Variants in BIN1 observed in about 807,000 individuals in gnomAD.
BIN1 encodes bridging integrator 1.
A neutral mutation model predicts 82.0 loss-of-function variants in BIN1; 53 were observed. The observed-to-expected ratio is 0.65, with a 90% CI of 0.52 to 0.81. The LOEUF (loss-of-function observed/expected upper bound fraction) is 0.81. BIN1 is among the 40% of genes least tolerant of loss of function. BIN1 has a pLI of 0.00. For missense variants in BIN1, 642 were observed against 784.4 expected (o/e 0.82, Z 2.17); for synonymous variants, 302 against 328.0 (o/e 0.92, Z 0.86).
At chr2:127,077,335 C>T (rs1351295396) in intron 1 of BIN1, among the ~76,000 whole-genome samples, 3 of 150,498 alleles carry the variant, frequency 2.0e-5, no homozygotes, top group Non-Finnish European at 4.4e-5. Context: ...CACACACACA[C>T]ACAAAACACA....
chr2:127,105,780 T>G (rs1163667381), intron 1 of BIN1, among the ~76,000 whole-genome samples: 1 of 152,170 alleles, frequency 6.6e-6, no homozygotes, highest in East Asian at 1.9e-4. Context: ...GGCCTGTCCC[T>G]GCGCCTCCAC....
rs1242450972 is a variant in BIN1, at chr2:127,053,900, C to T, written c.1239+5G>A. On this transcript the variant is annotated splice_donor_5th_base_variant and intron_variant, in intron 13 of 18. Coordinates refer to ENST00000316724, the MANE Select transcript of BIN1 (RefSeq NM_139343.3). Reference sequence around the variant, plus strand: ...GGCCCATGGGCAGTGGTGGGCACAACCAACCTGACCAGAGGGCGTGGGTGC... The same window carrying T: ...GGCCCATGGGCAGTGGTGGGCACAATCAACCTGACCAGAGGGCGTGGGTGC... The T allele has an allele frequency of 6.4e-7, 1 of 1,550,848 alleles. No individual in the cohort carries two copies.
chr2:127,081,892 T>G, intron 1 of BIN1: 1 of 1,282,150 alleles, frequency 7.8e-7, no homozygotes, highest in African/African-American at 1.5e-5. Flanking sequence ...AAGTGAGCCC[T>G]GTCTCGCCCC....
At chr2:127,072,470 C>T (rs1235295753) in intron 2 of BIN1, among the ~76,000 whole-genome samples, 5 of 152,180 alleles carry the variant, frequency 3.3e-5, no homozygotes, top group South Asian at 4.1e-4. Flanking sequence ...ACGCAGCCCG[C>T]AGGGTGTTTT....
At chr2:127,100,321 C>T (rs4994234) in intron 1 of BIN1, among the ~76,000 whole-genome samples, 9,123 of 152,242 alleles carry the variant, frequency 0.06, 394 homozygotes, top group Non-Finnish European at 0.088. Flanking sequence ...CCGACAGGGG[C>T]CCCAAGTCTT....
At chr2:127,070,952 C>T in intron 2 of BIN1, 136 bp from the exon 3 acceptor site, 2 of 831,524 alleles carry the variant, frequency 2.4e-6, no homozygotes, top group Non-Finnish European at 3.8e-6. Context: ...GACCTCCCAA[C>T]AGGACAGCAG....
Position 127,052,307 on chromosome 2 carries a change from C to T in BIN1, c.1319G>A (p.Gly440Asp). ...GCTGGGCCAGGACACAGCAAAGGTG[C>T]CCTCGGCAGCGCTGGGCTCCCCGGA... ...LPSGEPSAAEGTFAVSWPSQT... is the reference protein window; with the variant it reads ...LPSGEPSAAEDTFAVSWPSQT... Residue 440 changes from glycine (G) to aspartate (D), a missense_variant, in exon 15 of 19, where the codon GGC (glycine) becomes GAC (aspartate). By Grantham distance (94) the Gly-to-Asp change is moderately conservative. Transcript: ENST00000316724. 1 of 1,586,838 alleles carries T rather than the reference C, an allele frequency of 6.3e-7. No individual in the cohort carries two copies. Among genetic ancestry groups the T allele is most frequent in the Non-Finnish European group, 8.6e-7 (1 of 1,167,020 alleles).
In BIN1 at chr2:127,097,286, C is replaced by A. The variant is rs556877475; in HGVS notation, c.84+9574G>T. Among the ~76,000 whole-genome samples, 67 of 152,218 alleles carry A rather than the reference C, an allele frequency of 4.4e-4. No homozygotes were observed. In the South Asian group the frequency reaches 0.014, roughly 31 times the overall value. ...CCAGCCGCCAGCTCTCCAGGCCCAG[C>A]AGCGTCAGCCCTCCAGGCCCAGCAG... On this transcript the variant is annotated intron_variant, in intron 1 of 18. Transcript: ENST00000316724.
In BIN1 at chr2:127,048,279, C is replaced by T. The variant is rs1334404831; in HGVS notation, c.*247G>A. ...GCACACATGCGGGCACAGGCAGGGG[C>T]GCCAGAAACTCAACTAGAGGACACA... On this transcript the variant is annotated 3_prime_UTR_variant, in exon 19 of 19. Coordinates refer to ENST00000316724, the MANE Select transcript of BIN1 (RefSeq NM_139343.3). 1.2e-5 allele frequency: 6 copies of T among 501,766 alleles called. No individual in the cohort carries two copies. Among genetic ancestry groups the T allele is most frequent in the Non-Finnish European group, 2.2e-5 (6 of 275,828 alleles). 31.1% of individuals were successfully genotyped at this position (501,766 alleles called of 1,614,324 possible).
chr2:127,054,026 G>A lies in BIN1; in HGVS notation c.1132-14C>T, dbSNP rs1220411051. The A allele has an allele frequency of 6.5e-7, 1 of 1,549,908 alleles. No homozygotes were observed. Among genetic ancestry groups the A allele is most frequent in the Non-Finnish European group, 8.7e-7 (1 of 1,145,790 alleles). ...CGGGGCCTCAAACTTGGCAGCAGCA[G>A]CAGCAGCAGAGGAGGAAGCAGTTAG... On this transcript the variant is annotated splice_polypyrimidine_tract_variant and intron_variant, in intron 12 of 18. Coordinates refer to ENST00000316724, the MANE Select transcript of BIN1 (RefSeq NM_139343.3).
At position 127,093,808 on chromosome 2, in the gene BIN1, G is replaced by A. The variant is rs545765442; in HGVS notation, c.84+13052C>T. On this transcript the variant is annotated intron_variant, in intron 1 of 18. Transcript: ENST00000316724. This position sits in a 1 kb window ranked among gnomAD's most constrained non-coding sequence, Gnocchi z 5.7. ...GATACCACACGTTTCCGCCCCTGCC[G>A]CTCTCTCTGGACAATCCCCTCCCCT... is the stretch of plus-strand genomic sequence containing the variant. Among the ~76,000 whole-genome samples the A allele has an allele frequency of 7.2e-5, 11 of 152,170 alleles. No individual in the cohort carries two copies. The highest frequency in any genetic ancestry group is 1.2e-4 in the Non-Finnish European group (8 of 68,040).
At chr2:127,077,329 C>A (rs113310615) in intron 1 of BIN1, among the ~76,000 whole-genome samples, 4 of 139,926 alleles carry the variant, frequency 2.9e-5, no homozygotes, top group Non-Finnish European at 4.7e-5. Flanking sequence ...CACACACACA[C>A]ACACACACAA....
chr2:127,055,055 C>G (rs1157440442), intron 12 of BIN1: 5 of 152,286 alleles, frequency 3.3e-5, no homozygotes, highest in African/African-American at 1.2e-4. Flanking sequence ...AGGGACGTGG[C>G]CGGGGTGCTC....
At chr2:127,069,191 C>T (rs1685539531) in intron 5 of BIN1, among the ~76,000 whole-genome samples, 160 bp from the exon 6 acceptor site, 1 of 152,196 alleles carries the variant, frequency 6.6e-6, no homozygotes, top group Non-Finnish European at 1.5e-5. Flanking sequence ...GCAGAGAGCT[C>T]ACCCCCTCCT....
intron 17 of BIN1, 138 bp downstream of exon 17, chr2:127,050,664 A>G (rs1682803790): frequency 1.5e-6 from 2 of 1,319,332 alleles, no homozygotes; most frequent in Admixed American, 3.7e-5. Context: ...TGGGGCTCAG[A>G]TGCCACCTTG....
chr2:127,050,772 G>C, intron 17 of BIN1, 30 bp downstream of exon 17: 1 of 1,605,024 alleles, frequency 6.2e-7, no homozygotes, highest in Non-Finnish European at 8.5e-7. Flanking sequence ...GGCACCGAGG[G>C]ACTGCAGCAG....
chr2:127,062,786 T>C (rs1454837158), intron 9 of BIN1, among the ~76,000 whole-genome samples: 3 of 152,248 alleles, frequency 2.0e-5, no homozygotes, highest in Admixed American at 1.3e-4. Context: ...AACACCTTTC[T>C]CTATTTTTTA....
In BIN1 at chr2:127,081,871, G is replaced by C. The variant is rs1053631914; in HGVS notation, c.85-5165C>G. 9.3e-6 allele frequency: 12 copies of C among 1,286,744 alleles called. No homozygotes were observed. In the African/African-American group the frequency reaches 1.8e-4, roughly 20 times the overall value. 79.7% of individuals were successfully genotyped at this position (1,286,744 alleles called of 1,614,324 possible). On this transcript the variant is annotated intron_variant, in intron 1 of 18. Coordinates refer to ENST00000316724, the MANE Select transcript of BIN1 (RefSeq NM_139343.3). Reference sequence around the variant, plus strand: ...CCTCCCCACCTGCCTGCACAGGAAGGGCGGGCTGAGAAGTGAGCCCTGTCT... The same window carrying C: ...CCTCCCCACCTGCCTGCACAGGAAGCGCGGGCTGAGAAGTGAGCCCTGTCT...
chr2:127,063,283 T>C (rs1684732358), intron 9 of BIN1, among the ~76,000 whole-genome samples: 1 of 152,206 alleles, frequency 6.6e-6, no homozygotes, highest in Admixed American at 6.5e-5. Context: ...CCAAGGTTGC[T>C]AGAGAACACA....
Sources: allele counts gnomAD v4.1 joint callset (sites outside exome capture counted in the v4.1 genomes callset), GRCh38; gene constraint gnomAD v4.1.1; non-coding constraint Gnocchi (gnomAD v3.1); transcripts MANE v1.5; gene names NCBI Gene and HGNC (gene_info 2026-07-23, HGNC 2026-07-21).